ANKRD11: variants seen among roughly 807,000 people sequenced by gnomAD.
The protein encoded by ANKRD11 is ankyrin repeat domain-containing protein 11.
ANKRD11 carries 17 observed loss-of-function variants against 195.7 expected under a neutral mutation model. That is an observed-to-expected ratio of 0.09 (90% CI 0.06 to 0.13). ANKRD11 has a LOEUF of 0.13. ANKRD11 is among the 10% of genes least tolerant of loss of function. The pLI, the probability that ANKRD11 is intolerant of heterozygous loss-of-function variation, is 1.00. For synonymous variants in ANKRD11, 1,953 were observed against 1,528.1 expected, an observed-to-expected ratio of 1.28 and a Z score of -6.49; for missense variants, 3,735 against 3,566.1, an observed-to-expected ratio of 1.05 and a Z score of -1.21.
intron 11 of ANKRD11, 127 bp from the exon 12 acceptor site, chr16:89,271,036 G>A (rs2033105573): frequency 7.3e-6 from 6 of 824,470 alleles, no homozygotes; most frequent in East Asian, 5.3e-5. Flanking sequence ...TCATTCCACC[G>A]CGCACACACT....
chr16:89,443,423 T>G (rs1053922497), intron 1 of ANKRD11: 1 of 151,674 alleles, frequency 6.6e-6, no homozygotes, highest in Non-Finnish European at 1.5e-5. Context: ...TTCCATACTT[T>G]AAAAAAAACA....
chr16:89,302,487 G>A (rs149610032), intron 4 of ANKRD11, among the ~76,000 whole-genome samples: 3,221 of 152,246 alleles, frequency 0.021, 42 homozygotes, highest in Non-Finnish European at 0.035. Flanking sequence ...TCCTGACCTT[G>A]TGATCTGCCC....
rs146050707 is a variant in ANKRD11, at chr16:89,424,034, T to C, written c.-144-5666A>G. The stretch of plus-strand genomic sequence containing the variant: ...GACCTCCGGGAAGATTGTAACCCCA[T>C]AGTACTCGACCAGTGAGGAACTGGG... On this transcript the variant is annotated intron_variant, in intron 1 of 12. Coordinates refer to ENST00000301030, the MANE Select transcript of ANKRD11 (RefSeq NM_013275.6). Among the ~76,000 whole-genome samples the C allele has an allele frequency of 3.9e-3, 596 of 152,056 alleles. 8 individuals carry two copies. The highest frequency in any genetic ancestry group is 8.6e-3 in the South Asian group (41 of 4,794).
chr16:89,353,365 A>C (rs2039312997), intron 2 of ANKRD11, among the ~76,000 whole-genome samples: 2 of 151,658 alleles, frequency 1.3e-5, no homozygotes, highest in African/African-American at 4.9e-5. Flanking sequence ...AGAGAGAGAG[A>C]GAGAGAGAAA....
At position 89,290,929 on chromosome 16, in the gene ANKRD11, G is replaced by A. The variant is rs1163046225; in HGVS notation, c.397+84C>T. 3 of 1,610,086 alleles carry A rather than the reference G, an allele frequency of 1.9e-6. No individual in the cohort carries two copies. In the African/African-American group the frequency reaches 4.0e-5, roughly 21 times the overall value. ...CACCATCACGAGGTCCCTTTGCACA[G>A]GGCTTGTCCTCAGCACAGCCATGAG... On this transcript the variant is annotated intron_variant, in intron 5 of 12. Coordinates refer to ENST00000301030, the MANE Select transcript of ANKRD11 (RefSeq NM_013275.6).
In ANKRD11 at chr16:89,288,804, A is replaced by C. The variant is rs553046114; in HGVS notation, c.602-134T>G. 3.2e-6 allele frequency: 4 copies of C among 1,241,114 alleles called. No individual in the cohort carries two copies. In the South Asian group the frequency reaches 5.0e-5, roughly 15 times the overall value. The allele number at this position is 1,241,114 out of a possible 1,614,324, so 76.9% of individuals were successfully genotyped here. On this transcript the variant is annotated intron_variant, in intron 6 of 12. Coordinates refer to ENST00000301030, the MANE Select transcript of ANKRD11 (RefSeq NM_013275.6). ...GGAGCTGCCCTGTAGTGAGGGCTGC[A>C]GTTTAGGGAAGCAGGTGCTGGCCCA...
chr16:89,458,647 C>T (rs2056538349), intron 1 of ANKRD11, among the ~76,000 whole-genome samples: 1 of 152,238 alleles, frequency 6.6e-6, no homozygotes, highest in African/African-American at 2.4e-5. Flanking sequence ...AGACATGTTC[C>T]ATTAATCATC....
At chr16:89,419,053 A>G (rs1436911938) in intron 1 of ANKRD11, among the ~76,000 whole-genome samples, 2 of 152,182 alleles carry the variant, frequency 1.3e-5, no homozygotes, top group Non-Finnish European at 2.9e-5. Flanking sequence ...TAAGAAGCAT[A>G]TTAAGTTTTA....
intron 2 of ANKRD11, among the ~76,000 whole-genome samples, chr16:89,347,808 T>C (rs1322047458): frequency 1.3e-5 from 2 of 152,156 alleles, no homozygotes. Context: ...AGGAAAAACA[T>C]ATTCAGTTTT....
intron 2 of ANKRD11, among the ~76,000 whole-genome samples, chr16:89,343,244 C>T (rs1039910430): frequency 5.9e-5 from 9 of 152,308 alleles, no homozygotes; most frequent in East Asian, 5.8e-4. Context: ...CCACCCAGCT[C>T]GGCCTCCCGA....
intron 2 of ANKRD11, among the ~76,000 whole-genome samples, chr16:89,348,135 T>C (rs764036233): frequency 6.6e-6 from 1 of 152,104 alleles, no homozygotes; most frequent in African/African-American, 2.4e-5. Flanking sequence ...TTTCACCATG[T>C]TGCCCAAGCT....
At chr16:89,445,284 C>T (rs1461338647) in intron 1 of ANKRD11, among the ~76,000 whole-genome samples, 2 of 152,198 alleles carry the variant, frequency 1.3e-5, no homozygotes, top group Non-Finnish European at 2.9e-5. Flanking sequence ...TTTTCTTTAA[C>T]TAATATATAT....
At chr16:89,428,352 C>T (rs9923267) in intron 1 of ANKRD11, among the ~76,000 whole-genome samples, 29 of 151,806 alleles carry the variant, frequency 1.9e-4, no homozygotes, top group South Asian at 1.2e-3. Context: ...GGTGAAACCC[C>T]GTCTCTACTA....
rs1567559816 is a variant in ANKRD11, at chr16:89,280,476, A to G, written c.6066T>C (p.Pro2022=). 3 of 1,603,112 alleles carry G rather than the reference A, an allele frequency of 1.9e-6. No homozygotes were observed. The highest frequency in any genetic ancestry group is 1.7e-5 in the Admixed American group (1 of 59,098). The change falls in exon 9 of 13, where the codon CCT becomes CCC. Residue 2022 remains proline, a synonymous_variant. Coordinates refer to ENST00000301030, the MANE Select transcript of ANKRD11 (RefSeq NM_013275.6). ...CAGCGACGGGCAGAGCGTACGGGGCAGGAGAGGCGGGAGGGGCGGGGTACG... is the reference window on the plus strand; with the variant it reads ...CAGCGACGGGCAGAGCGTACGGGGCGGGAGAGGCGGGAGGGGCGGGGTACG... ...EAPYPAPPAS[P]APYALPVAEP...
chr16:89,365,232 T>C (rs181439351), intron 2 of ANKRD11, among the ~76,000 whole-genome samples: 2 of 152,190 alleles, frequency 1.3e-5, no homozygotes, highest in Non-Finnish European at 2.9e-5. Flanking sequence ...CCAGAGCTGG[T>C]TTTTGTAGAA....
intron 1 of ANKRD11, among the ~76,000 whole-genome samples, chr16:89,485,094 C>T (rs2057562847): frequency 6.6e-6 from 1 of 152,008 alleles, no homozygotes; most frequent in Non-Finnish European, 1.5e-5. Flanking sequence ...TCCTCTAGGC[C>T]CCTGAAAAAT....
intron 1 of ANKRD11, among the ~76,000 whole-genome samples, chr16:89,432,731 G>A (rs989124556): frequency 6.6e-6 from 1 of 151,904 alleles, no homozygotes; most frequent in Non-Finnish European, 1.5e-5. Context: ...ATAATCTTGA[G>A]CCCAGGAGTT....
At chr16:89,333,869 A>T (rs1399632496) in intron 2 of ANKRD11, among the ~76,000 whole-genome samples, 1 of 152,172 alleles carries the variant, frequency 6.6e-6, no homozygotes, top group Non-Finnish European at 1.5e-5. Context: ...TTCTGTGAGT[A>T]TGTTCCCAGT....
chr16:89,399,414 C>T lies in ANKRD11; in HGVS notation c.-60+18870G>A, dbSNP rs182784999. The stretch of plus-strand genomic sequence containing the variant: ...AGTGAAAGCAGCCCGTCTCCAAGGA[C>T]TACACGCTGTACGGTTCCGACTCTG... On this transcript the variant is annotated intron_variant, in intron 2 of 12. Transcript: ENST00000301030. Among the ~76,000 whole-genome samples the T allele has an allele frequency of 1.9e-3, 296 of 152,280 alleles. 4 individuals are homozygous for T. The highest frequency in any genetic ancestry group is 6.5e-3 in the African/African-American group (271 of 41,552).
Sources: allele counts gnomAD v4.1 joint callset (sites outside exome capture counted in the v4.1 genomes callset), GRCh38; gene constraint gnomAD v4.1.1; transcripts MANE v1.5; gene names NCBI Gene and HGNC (gene_info 2026-07-23, HGNC 2026-07-21).